CNTNAP3B: variants seen among roughly 807,000 people sequenced by gnomAD.
CNTNAP3B encodes contactin-associated protein-like 3B.
Under a neutral mutation model 108.9 loss-of-function variants are expected in CNTNAP3B, and 25 were observed. The ratio of observed to expected loss-of-function variants is 0.23; its 90% CI spans 0.17 to 0.32. The LOEUF is 0.32. Among genes scored for constraint, CNTNAP3B ranks in the 10% least tolerant of loss-of-function variants. CNTNAP3B has a pLI of 1.00. For synonymous variants in CNTNAP3B, 103 were observed against 473.4 expected, an observed-to-expected ratio of 0.22 and a Z score of 10.16; for missense variants, 252 against 1,210.4, an observed-to-expected ratio of 0.21 and a Z score of 11.75.
intron 13 of CNTNAP3B, among the ~76,000 whole-genome samples, chr9:41,952,368 C>A (rs1358615975): frequency 6.6e-6 from 1 of 152,178 alleles, no homozygotes; most frequent in Admixed American, 6.5e-5. Flanking sequence ...ACTTCCTGGG[C>A]TCCAGTGATC....
chr9:42,111,461 G>A lies in CNTNAP3B; in HGVS notation c.86-6722C>T, dbSNP rs374181730. 9.5e-3 allele frequency among the ~76,000 whole-genome samples: 1,310 copies of A among 138,280 alleles called. 184 individuals are homozygous for A. Among genetic ancestry groups the A allele is most frequent in the Non-Finnish European group, 0.014 (937 of 64,706 alleles). 90.7% of individuals were successfully genotyped at this position (138,280 alleles called of 152,430 possible). ...AACAGAAATAAAGGAAAATAGTCAC[G>A]CTCCTAAGCTGGTAAACGGTATGCC... is the stretch of plus-strand genomic sequence containing the variant. On this transcript the variant is annotated intron_variant, in intron 1 of 23. Coordinates refer to ENST00000377561, the MANE Select transcript of CNTNAP3B (RefSeq NM_001201380.3).
intron 13 of CNTNAP3B, among the ~76,000 whole-genome samples, chr9:41,952,162 C>G (rs535149474): frequency 1.3e-5 from 2 of 152,250 alleles, no homozygotes; most frequent in Non-Finnish European, 2.9e-5. Context: ...AGTGGATCAG[C>G]GCAAACCACC....
chr9:41,951,736 A>G, intron 13 of CNTNAP3B, among the ~76,000 whole-genome samples: 1 of 151,920 alleles, frequency 6.6e-6, no homozygotes, highest in East Asian at 2.0e-4. Flanking sequence ...CACCCTGGGA[A>G]GGGACCCAGA....
chr9:41,952,971 T>G lies in CNTNAP3B; in HGVS notation c.2080+212A>C, dbSNP rs1442999140. Among the ~76,000 whole-genome samples, 429 of 152,220 alleles carry G rather than the reference T, an allele frequency of 2.8e-3. 1 individual carries two copies. Among genetic ancestry groups the G allele is most frequent in the African/African-American group, 9.0e-3 (375 of 41,468 alleles). ...AAGGACAAGTCACTAGTCCTGCATA[T>G]GAACGCGCTGAACGTCTCTCAACGG... On this transcript the variant is annotated intron_variant, in intron 13 of 23. Transcript: ENST00000377561.
At chr9:42,103,147 T>G (rs1828029361) in intron 2 of CNTNAP3B, among the ~76,000 whole-genome samples, 1 of 125,318 alleles carries the variant, frequency 8.0e-6, no homozygotes, top group South Asian at 2.5e-4. Context: ...CTTTACCCCC[T>G]GTGCCCAGGC....
intron 3 of CNTNAP3B, among the ~76,000 whole-genome samples, chr9:42,061,467 A>G (rs1212266920): frequency 7.5e-6 from 1 of 133,654 alleles, no homozygotes; most frequent in Non-Finnish European, 1.6e-5. Flanking sequence ...GCAGGCGAGC[A>G]CCATGCCCAG....
chr9:42,088,499 C>T (rs933748778), intron 2 of CNTNAP3B, among the ~76,000 whole-genome samples: 2 of 138,770 alleles, frequency 1.4e-5, no homozygotes, highest in Non-Finnish European at 3.1e-5. Context: ...GTTACATATG[C>T]TGCTGAAGCA....
chr9:41,958,933 C>T (rs547940235), intron 12 of CNTNAP3B, among the ~76,000 whole-genome samples: 2 of 139,984 alleles, frequency 1.4e-5, no homozygotes, highest in South Asian at 4.6e-4. Context: ...GGATCCTTCT[C>T]TGTCTGGGTC....
intron 13 of CNTNAP3B, among the ~76,000 whole-genome samples, chr9:41,952,816 AAGG>A (rs1160019290): frequency 2.0e-5 from 3 of 150,492 alleles, no homozygotes; most frequent in Admixed American, 6.7e-5. Context: ...TGAGAAGAGT[AAGG>A]AGGTTACCGG....
At chr9:42,125,398 C>A (rs1828544149) in intron 1 of CNTNAP3B, among the ~76,000 whole-genome samples, 1 of 141,822 alleles carries the variant, frequency 7.1e-6, no homozygotes, top group Non-Finnish European at 1.5e-5. Flanking sequence ...CCTTACCCTG[C>A]TGGTTTCTGA....
At chr9:41,969,093 G>A (rs1234115215) in intron 10 of CNTNAP3B, among the ~76,000 whole-genome samples, 1 of 152,298 alleles carries the variant, frequency 6.6e-6, no homozygotes, top group Non-Finnish European at 1.5e-5. Context: ...ACCACGCTGG[G>A]CCAGATTATC....
At chr9:41,968,597 C>A (rs1301608569) in intron 10 of CNTNAP3B, among the ~76,000 whole-genome samples, 1 of 143,502 alleles carries the variant, frequency 7.0e-6, no homozygotes, top group Non-Finnish European at 1.5e-5. Context: ...TTATTCCATG[C>A]TGAATAAATA....
intron 14 of CNTNAP3B, among the ~76,000 whole-genome samples, chr9:41,935,655 G>A (rs1224415342): frequency 6.6e-6 from 1 of 152,220 alleles, no homozygotes; most frequent in Non-Finnish European, 1.5e-5. Context: ...ATCTACAAGA[G>A]TTGGGTTAGG....
At chr9:41,953,147 T>C (rs1405085690) in intron 13 of CNTNAP3B, 36 bp downstream of exon 13, 10 of 1,488,848 alleles carry the variant, frequency 6.7e-6, no homozygotes, top group Admixed American at 4.8e-5. Flanking sequence ...CGCCCCGGCC[T>C]CGTGAGCCCC....
chr9:42,089,619 C>T (rs1180936665), intron 2 of CNTNAP3B, among the ~76,000 whole-genome samples: 3 of 147,470 alleles, frequency 2.0e-5, no homozygotes, highest in Admixed American at 6.7e-5. Flanking sequence ...ATATCCTGAG[C>T]TATTCATTTT....
At chr9:41,947,974 A>C (rs1195530894) in intron 13 of CNTNAP3B, among the ~76,000 whole-genome samples, 7 of 151,446 alleles carry the variant, frequency 4.6e-5, no homozygotes, top group Non-Finnish European at 7.4e-5. Flanking sequence ...CCTAACATGA[A>C]ATAGGTAATT....
intron 2 of CNTNAP3B, among the ~76,000 whole-genome samples, chr9:42,098,992 T>C (rs1827969607): frequency 7.3e-6 from 1 of 137,292 alleles, no homozygotes; most frequent in Non-Finnish European, 1.6e-5. Flanking sequence ...GTGGCTAGGT[T>C]GTGTGCAGCA....
intron 8 of CNTNAP3B, among the ~76,000 whole-genome samples, chr9:41,990,167 C>T (rs914022144): frequency 1.5e-5 from 2 of 135,754 alleles, no homozygotes; most frequent in Non-Finnish European, 3.1e-5. Context: ...TTCATTTCTA[C>T]CTTGTGAAAC....
At position 42,107,875 on chromosome 9, in the gene CNTNAP3B, T is replaced by C. The variant is rs1253133196; in HGVS notation, c.86-3136A>G. ...CCATAGTCCCAGCTTCCCAGGAGGC[T>C]GAAGCAGGAGAATCGCTTGAACCTG... On this transcript the variant is annotated intron_variant, in intron 1 of 23. Transcript: ENST00000377561. 1.6e-5 allele frequency among the ~76,000 whole-genome samples: 2 copies of C among 126,916 alleles called. 1 individual carries two copies. The highest frequency in any genetic ancestry group is 6.5e-5 in the African/African-American group (2 of 30,834). The allele number at this position is 126,916 out of a possible 152,430, so 83.3% of individuals were successfully genotyped here.
Sources: allele counts gnomAD v4.1 joint callset (sites outside exome capture counted in the v4.1 genomes callset), GRCh38; gene constraint gnomAD v4.1.1; transcripts MANE v1.5; gene names NCBI Gene and HGNC (gene_info 2026-07-23, HGNC 2026-07-21).